C2orf76: variants seen among roughly 807,000 people sequenced by gnomAD.
C2orf76 encodes chromosome 2 open reading frame 76.
A neutral mutation model predicts 16.9 loss-of-function variants in C2orf76; 23 were observed. The ratio of observed to expected loss-of-function variants is 1.36; its 90% CI spans 0.98 to 1.93. C2orf76 has a LOEUF of 1.93. Ranked by LOEUF, C2orf76 falls within the 30% of genes most tolerant of loss-of-function variation. C2orf76 has a pLI of 0.00. For synonymous variants in C2orf76, 48 were observed against 52.3 expected, an observed-to-expected ratio of 0.92 and a Z score of 0.35; for missense variants, 152 against 152.6, an observed-to-expected ratio of 1.00 and a Z score of 0.02.
chr2:119,327,627 CTT>C (rs1491184455), intron 2 of C2orf76, among the ~76,000 whole-genome samples: 19 of 152,200 alleles, frequency 1.2e-4, no homozygotes, highest in Admixed American at 1.2e-3. Context: ...CTCTCTCTCT[CTT>C]GCTTCCTCTC....
At position 119,302,297 on chromosome 2, in the gene C2orf76, A is replaced by G. The variant is rs1678638628; in HGVS notation, c.*175T>C. 1 of 352,288 alleles carries G rather than the reference A, an allele frequency of 2.8e-6. No homozygotes were observed. Among genetic ancestry groups the G allele is most frequent in the East Asian group, 3.8e-5 (1 of 26,364 alleles). The allele number at this position is 352,288 out of a possible 1,614,324, so 21.8% of individuals were successfully genotyped here. ...TCTCATAATATATTATTTTACAACAACAAAGAAAAAGAAAGAGAGAAGGAA... is the reference window on the plus strand; with the variant it reads ...TCTCATAATATATTATTTTACAACAGCAAAGAAAAAGAAAGAGAGAAGGAA... On this transcript the variant is annotated 3_prime_UTR_variant, in exon 6 of 6. Transcript: ENST00000334816.
intron 1 of C2orf76, among the ~76,000 whole-genome samples, chr2:119,350,086 C>G (rs1573678851): frequency 7.4e-6 from 1 of 134,972 alleles, no homozygotes; most frequent in Middle Eastern, 3.6e-3. Context: ...GCCCCCCCAC[C>G]GTCCCGCGTA....
At chr2:119,339,688 G>A (rs1331024236) in intron 2 of C2orf76, 139 bp downstream of exon 2, 9 of 834,182 alleles carry the variant, frequency 1.1e-5, no homozygotes, top group East Asian at 2.7e-5. Context: ...GCCCAGAACC[G>A]GGGCTCGCCC....
At chr2:119,333,595 T>C (rs1679743989) in intron 2 of C2orf76, among the ~76,000 whole-genome samples, 1 of 152,202 alleles carries the variant, frequency 6.6e-6, no homozygotes, top group Admixed American at 6.5e-5. Context: ...GAGTCAGCAT[T>C]TTAGGCTTTG....
At chr2:119,334,813 A>C (rs1489699046) in intron 2 of C2orf76, among the ~76,000 whole-genome samples, 1 of 152,130 alleles carries the variant, frequency 6.6e-6, no homozygotes, top group Non-Finnish European at 1.5e-5. Context: ...ACCTTACTGA[A>C]GGGAGTAGAA....
At chr2:119,333,818 A>G (rs1350862672) in intron 2 of C2orf76, among the ~76,000 whole-genome samples, 2 of 152,232 alleles carry the variant, frequency 1.3e-5, no homozygotes, top group Non-Finnish European at 2.9e-5. Flanking sequence ...ACTGGCCTAA[A>G]TTTTTCTTTA....
chr2:119,302,633 C>T (rs890877573), intron 5 of C2orf76, 85 bp from the exon 6 acceptor site: 17 of 767,078 alleles, frequency 2.2e-5, no homozygotes, highest in Admixed American at 3.3e-5. Flanking sequence ...GACTTTGATT[C>T]GGTATTTCAG....
At chr2:119,345,579 C>A (rs1391503565) in intron 1 of C2orf76, among the ~76,000 whole-genome samples, 1 of 152,114 alleles carries the variant, frequency 6.6e-6, no homozygotes, top group African/African-American at 2.4e-5. Flanking sequence ...AAAAGCTGGT[C>A]ATTCTGGAGG....
chr2:119,305,050 A>G (rs1174719509), intron 5 of C2orf76, among the ~76,000 whole-genome samples: 1 of 152,224 alleles, frequency 6.6e-6, no homozygotes, highest in Non-Finnish European at 1.5e-5. Flanking sequence ...TGCAGGCGGC[A>G]GTGCAGTCAG....
At position 119,303,442 on chromosome 2, in the gene C2orf76, G is replaced by A. The variant is rs977865574; in HGVS notation, c.305-894C>T. 2.8e-4 allele frequency among the ~76,000 whole-genome samples: 43 copies of A among 152,272 alleles called. 1 individual carries two copies. The highest frequency in any genetic ancestry group is 1.0e-3 in the African/African-American group (42 of 41,556). On this transcript the variant is annotated intron_variant, in intron 5 of 5. Coordinates refer to ENST00000334816, the MANE Select transcript of C2orf76 (RefSeq NM_001322331.2). ...TGGCTTTTACAGAAAGAGCAAAAGG[G>A]CCTTCAGAATCTCCACAAGAAAACA...
chr2:119,290,213 C>G, the C2orf76 span, among the ~76,000 whole-genome samples: 1 of 151,608 alleles, frequency 6.6e-6, no homozygotes, highest in Non-Finnish European at 1.5e-5. Context: ...GAACGTCTCC[C>G]TGCAATTGGT....
intron 1 of C2orf76, among the ~76,000 whole-genome samples, chr2:119,354,902 C>T (rs974930332): frequency 2.0e-5 from 3 of 152,216 alleles, no homozygotes; most frequent in Non-Finnish European, 4.4e-5. Flanking sequence ...ATGACATTAG[C>T]AGCTGACCTT....
chr2:119,300,486 TG>T (rs1196108977), downstream of C2orf76, among the ~76,000 whole-genome samples: 1 of 152,184 alleles, frequency 6.6e-6, no homozygotes, highest in Non-Finnish European at 1.5e-5. Context: ...TAGCATGACT[TG>T]TAAGGCCTAC....
intron 5 of C2orf76, chr2:119,311,382 A>T: frequency 1.0e-6 from 1 of 985,422 alleles, no homozygotes; most frequent in African/African-American, 1.7e-5. Context: ...AATTCTGAGC[A>T]TACCTTCTGA....
intron 2 of C2orf76, among the ~76,000 whole-genome samples, chr2:119,331,406 A>C (rs990739852): frequency 6.6e-6 from 1 of 152,122 alleles, no homozygotes; most frequent in African/African-American, 2.4e-5. Context: ...TTCTCATTCT[A>C]CTAGTTTTAG....
intron 5 of C2orf76, chr2:119,311,140 A>G (rs1678972373): frequency 1.0e-6 from 1 of 984,940 alleles, no homozygotes; most frequent in African/African-American, 1.7e-5. Context: ...CCAATCAGGT[A>G]CTTTTCAGCT....
downstream of C2orf76, among the ~76,000 whole-genome samples, chr2:119,298,241 T>C (rs143119545): frequency 1.3e-5 from 2 of 152,360 alleles, no homozygotes; most frequent in East Asian, 3.9e-4. Flanking sequence ...AAACTCATCA[T>C]CTTGTTTTTC....
intron 2 of C2orf76, among the ~76,000 whole-genome samples, chr2:119,332,294 T>A (rs1679700957): frequency 7.0e-6 from 1 of 142,378 alleles, no homozygotes; most frequent in Admixed American, 6.9e-5. Flanking sequence ...AAAAAAAAAA[T>A]AAAACTAAGC....
chr2:119,330,837 A>T (rs1305641404), intron 2 of C2orf76, among the ~76,000 whole-genome samples: 1 of 152,116 alleles, frequency 6.6e-6, no homozygotes, highest in Non-Finnish European at 1.5e-5. Flanking sequence ...CTGCAGGCTA[A>T]TCCTGTCCAG....
Sources: allele counts gnomAD v4.1 joint callset (sites outside exome capture counted in the v4.1 genomes callset), GRCh38; gene constraint gnomAD v4.1.1; transcripts MANE v1.5; gene names NCBI Gene and HGNC (gene_info 2026-07-23, HGNC 2026-07-21).